The following EYA1 variants were observed in gnomAD, a reference collection of about 807,000 sequenced individuals.
The protein encoded by EYA1 is protein phosphatase EYA1.
A neutral mutation model predicts 82.0 loss-of-function variants in EYA1; 16 were observed. The ratio of observed to expected loss-of-function variants is 0.20; its 90% CI spans 0.13 to 0.30. EYA1 has a LOEUF of 0.30. Ranked by LOEUF, EYA1 falls within the 10% of genes least tolerant of loss-of-function variation. The pLI is 1.00. For synonymous variants in EYA1, 261 were observed against 264.4 expected, an observed-to-expected ratio of 0.99 and a Z score of 0.12; for missense variants, 633 against 730.7, an observed-to-expected ratio of 0.87 and a Z score of 1.54.
intron 2 of EYA1, among the ~76,000 whole-genome samples, chr8:71,487,952 T>C (rs542669895): frequency 6.6e-6 from 1 of 152,264 alleles, no homozygotes; most frequent in South Asian, 2.1e-4. Context: ...AGCAGTTCAA[T>C]TCCTGGAAGA....
At chr8:71,367,450 G>T (rs1827821215) in intron 2 of EYA1, among the ~76,000 whole-genome samples, 1 of 151,702 alleles carries the variant, frequency 6.6e-6, no homozygotes, top group Admixed American at 6.6e-5. Context: ...CAAAGGAATT[G>T]CCAGAGACTG....
At chr8:71,277,311 A>G (rs1817319659) in intron 9 of EYA1, among the ~76,000 whole-genome samples, 1 of 151,702 alleles carries the variant, frequency 6.6e-6, no homozygotes, top group South Asian at 2.1e-4. Flanking sequence ...ACACCAGGCT[A>G]ATTTTTTTAA....
intron 2 of EYA1, among the ~76,000 whole-genome samples, chr8:71,494,518 C>G (rs1044696056): frequency 1.3e-5 from 2 of 152,108 alleles, no homozygotes; most frequent in African/African-American, 4.8e-5. Flanking sequence ...AATGTACACT[C>G]TAGCAAAAAT....
In EYA1 at chr8:71,354,811, C is replaced by T; in HGVS notation, c.95G>A (p.Ser32Asn). The T allele has an allele frequency of 1.9e-6, 3 of 1,613,560 alleles. No homozygotes were observed. In the Admixed American group the frequency reaches 5.0e-5, roughly 27 times the overall value. ...GPKLGNSHIN[S>N]NSMTPNGTEV... ...GGTGCCATTGGGAGTCATGGAATTA[C>T]TATTTATATGAGAGTTACCGAGTTT... The change falls in exon 3 of 18, where the codon AGT becomes AAT. Residue 32 changes from serine (S) to asparagine (N), a missense_variant. Ser to Asn is a conservative substitution (Grantham distance 46). Coordinates refer to ENST00000340726, the MANE Select transcript of EYA1 (RefSeq NM_000503.6).
At chr8:71,517,101 A>C (rs1376651114) in intron 2 of EYA1, among the ~76,000 whole-genome samples, 1 of 151,836 alleles carries the variant, frequency 6.6e-6, no homozygotes, top group Non-Finnish European at 1.5e-5. Context: ...TATCCCCATA[A>C]ATCTTTTTTT....
At chr8:71,441,319 A>T (rs1478750961) in intron 2 of EYA1, among the ~76,000 whole-genome samples, 5 of 152,170 alleles carry the variant, frequency 3.3e-5, no homozygotes. Context: ...CTGAGGTGGG[A>T]GAATTGCTTG....
At chr8:71,364,991 T>TAC (rs148126043), upstream of EYA1, among the ~76,000 whole-genome samples, 1 of 122,510 alleles carries the variant, frequency 8.2e-6, no homozygotes, top group African/African-American at 3.0e-5. Flanking sequence ...TATATACATA[T>TAC]ACACACACAC....
chr8:71,250,034 CTTG>C (rs1046366157), intron 11 of EYA1, among the ~76,000 whole-genome samples: 8 of 151,208 alleles, frequency 5.3e-5, no homozygotes, highest in Admixed American at 5.3e-4. Context: ...TCTTTGCTTT[CTTG>C]TTTTTTTTTT....
At chr8:71,341,725 C>T (rs1825144999) in intron 3 of EYA1, among the ~76,000 whole-genome samples, 1 of 152,134 alleles carries the variant, frequency 6.6e-6, no homozygotes, top group Non-Finnish European at 1.5e-5. Flanking sequence ...TTAAGGTCAT[C>T]TTCTTTATCT....
At chr8:71,201,941 T>G (rs1807081077) in intron 17 of EYA1, among the ~76,000 whole-genome samples, 2 of 152,206 alleles carry the variant, frequency 1.3e-5, no homozygotes, top group Admixed American at 1.3e-4. Flanking sequence ...TAGATAGTAT[T>G]TCTATTGATC....
chr8:71,259,536 G>A (rs765561363), intron 11 of EYA1, among the ~76,000 whole-genome samples: 2 of 152,208 alleles, frequency 1.3e-5, no homozygotes, highest in Non-Finnish European at 2.9e-5. Flanking sequence ...AAAATGATCA[G>A]AAAGAGGCAA....
intron 11 of EYA1, among the ~76,000 whole-genome samples, chr8:71,268,169 T>C (rs1034970184): frequency 1.3e-5 from 2 of 150,634 alleles, no homozygotes; most frequent in Non-Finnish European, 3.0e-5. Context: ...AGAATACTCT[T>C]AGATAACTCT....
chr8:71,339,288 A>T (rs1240337231), intron 3 of EYA1, among the ~76,000 whole-genome samples: 1 of 151,984 alleles, frequency 6.6e-6, no homozygotes, highest in Non-Finnish European at 1.5e-5. Flanking sequence ...TTCTCCTAGC[A>T]TCTCTTTTTG....
chr8:71,516,762 C>T lies in EYA1; in HGVS notation c.33+18982G>A, dbSNP rs190791096. 1.8e-4 allele frequency among the ~76,000 whole-genome samples: 28 copies of T among 152,168 alleles called. No individual in the cohort carries two copies. The East Asian group carries it at 4.4e-3, about 24-fold the overall frequency. Reference sequence around the variant, plus strand: ...CACATTCCTGAGTGGACAACTTCTCCTCTAAAAATCTCCCCTTAGTCCTTA... The same window carrying T: ...CACATTCCTGAGTGGACAACTTCTCTTCTAAAAATCTCCCCTTAGTCCTTA... On this transcript the variant is annotated intron_variant, in intron 2 of 18. Coordinates refer to the EYA1 transcript ENST00000643681.
At chr8:71,210,864 A>G (rs992266081) in intron 17 of EYA1, among the ~76,000 whole-genome samples, 1 of 152,266 alleles carries the variant, frequency 6.6e-6, no homozygotes, top group Non-Finnish European at 1.5e-5. Context: ...TCCTGCTGGC[A>G]CATGTGTTAT....
intron 3 of EYA1, among the ~76,000 whole-genome samples, chr8:71,347,383 C>A (rs1235039502): frequency 2.0e-5 from 3 of 152,116 alleles, no homozygotes; most frequent in African/African-American, 7.2e-5. Flanking sequence ...AGTGCAGTGG[C>A]ACGAATGTGG....
At chr8:71,437,756 T>C (rs574538351) in intron 2 of EYA1, among the ~76,000 whole-genome samples, 3 of 150,800 alleles carry the variant, frequency 2.0e-5, no homozygotes, top group Non-Finnish European at 4.4e-5. Context: ...GGCTAGAAAA[T>C]GAAAATTGAA....
At chr8:71,462,687 C>T (rs1011416815) in intron 2 of EYA1, among the ~76,000 whole-genome samples, 2 of 152,192 alleles carry the variant, frequency 1.3e-5, no homozygotes, top group Non-Finnish European at 2.9e-5. Context: ...CTGTGCCCTC[C>T]AGGCAGCAGT....
chr8:71,223,409 C>T (rs1363987263), intron 12 of EYA1, among the ~76,000 whole-genome samples: 2 of 152,184 alleles, frequency 1.3e-5, no homozygotes, highest in African/African-American at 2.4e-5. Context: ...TATGACACCA[C>T]CTGTGCTTCA....
Sources: allele counts gnomAD v4.1 joint callset (sites outside exome capture counted in the v4.1 genomes callset), GRCh38; gene constraint gnomAD v4.1.1; transcripts MANE v1.5; gene names NCBI Gene and HGNC (gene_info 2026-07-23, HGNC 2026-07-21).